The following GABBR2 variants were observed in gnomAD, a reference collection of about 807,000 sequenced individuals.
GABBR2 encodes gamma-aminobutyric acid type B receptor subunit 2.
GABBR2 carries 23 observed loss-of-function variants against 105.6 expected under a neutral mutation model. The observed-to-expected ratio is 0.22, with a 90% CI of 0.16 to 0.31. GABBR2 has a LOEUF of 0.31. GABBR2 is among the 10% of genes least tolerant of loss of function. The pLI is 1.00. For synonymous variants in GABBR2, 478 were observed against 499.7 expected, an observed-to-expected ratio of 0.96 and a Z score of 0.58; for missense variants, 734 against 1,245.5, an observed-to-expected ratio of 0.59 and a Z score of 6.18.
At chr9:98,656,296 A>G (rs1167516759) in intron 1 of GABBR2, among the ~76,000 whole-genome samples, 2 of 152,152 alleles carry the variant, frequency 1.3e-5, no homozygotes, top group Non-Finnish European at 2.9e-5. Flanking sequence ...GCTTGCAGAA[A>G]TGTGTGGATG....
intron 6 of GABBR2, among the ~76,000 whole-genome samples, chr9:98,455,883 G>A (rs753233611): frequency 1.1e-4 from 16 of 152,168 alleles, no homozygotes; most frequent in Non-Finnish European, 1.5e-4. Context: ...AATCCTGGCC[G>A]GGAGTCTGCC....
In GABBR2 at chr9:98,648,116, T is replaced by TGTATAGATAGATAGATAGATAG; in HGVS notation, c.321+60300_321+60301insCTATCTATCTATCTATCTATAC. The stretch of plus-strand genomic sequence containing the variant: ...GTGTGTGTGTGTGTGTGTGTGTGTG[T>TGTATAGATAGATAGATAGATAG]ATAGATAGATAGATAGATAGATAGA... On this transcript the variant is annotated intron_variant, in intron 1 of 18. Transcript: ENST00000259455. Among the ~76,000 whole-genome samples the TGTATAGATAGATAGATAGATAG allele has an allele frequency of 1.0e-3, 56 of 55,936 alleles. 1 individual carries two copies. The highest frequency in any genetic ancestry group is 0.011 in the Middle Eastern group (1 of 88). The allele number at this position is 55,936 out of a possible 152,430, so 36.7% of individuals were successfully genotyped here.
intron 11 of GABBR2, among the ~76,000 whole-genome samples, chr9:98,371,936 C>A (rs929719583): frequency 7.0e-4 from 107 of 152,210 alleles, no homozygotes; most frequent in Admixed American, 4.6e-4. Flanking sequence ...TCCTCCCTTC[C>A]TTCTTCCTGC....
At chr9:98,619,327 A>G (rs1340878194) in intron 1 of GABBR2, among the ~76,000 whole-genome samples, 1 of 152,058 alleles carries the variant, frequency 6.6e-6, no homozygotes, top group Non-Finnish European at 1.5e-5. Flanking sequence ...TTTGAGGGAG[A>G]TTTATAAAAT....
At chr9:98,517,389 G>A (rs1337536611) in intron 3 of GABBR2, among the ~76,000 whole-genome samples, 2 of 152,120 alleles carry the variant, frequency 1.3e-5, no homozygotes, top group South Asian at 2.1e-4. Context: ...CTCTCCTGGC[G>A]AAACTGACCT....
chr9:98,397,583 T>C (rs575122505), intron 8 of GABBR2, among the ~76,000 whole-genome samples: 1 of 152,362 alleles, frequency 6.6e-6, no homozygotes, highest in South Asian at 2.1e-4. Flanking sequence ...TGAAAGTAAC[T>C]GTGGGCTCTA....
At chr9:98,616,751 C>CAAA (rs35879049) in intron 1 of GABBR2, among the ~76,000 whole-genome samples, 33 of 143,676 alleles carry the variant, frequency 2.3e-4, no homozygotes, top group African/African-American at 7.9e-4. Context: ...GACTCCGTCT[C>CAAA]AAAAAAAAAA....
rs935419601 is a variant in GABBR2, at chr9:98,680,391, C to T, written c.321+28026G>A. On this transcript the variant is annotated intron_variant, in intron 1 of 18. Coordinates refer to ENST00000259455, the MANE Select transcript of GABBR2 (RefSeq NM_005458.8). ...CACGATCTCGGCTCACTGCAAGCTCCGCCTCCCAGGTTCACGCCATTTTCC... is the reference window on the plus strand; with the variant it reads ...CACGATCTCGGCTCACTGCAAGCTCTGCCTCCCAGGTTCACGCCATTTTCC... Among the ~76,000 whole-genome samples the T allele has an allele frequency of 8.5e-5, 13 of 152,174 alleles. No individual in the cohort carries two copies. The South Asian group carries it at 1.5e-3, about 17-fold the overall frequency.
chr9:98,575,087 AC>A (rs60542139), intron 2 of GABBR2, among the ~76,000 whole-genome samples: 109,633 of 150,160 alleles, frequency 0.73, 40,107 homozygotes, highest in African/African-American at 0.82. Flanking sequence ...AAACACCACC[AC>A]CCCCCCCCAA....
At chr9:98,492,633 A>C (rs570009250) in intron 4 of GABBR2, among the ~76,000 whole-genome samples, 1 of 152,206 alleles carries the variant, frequency 6.6e-6, no homozygotes, top group African/African-American at 2.4e-5. Context: ...TGCCTCCTTC[A>C]GCTCCTTTTG....
At chr9:98,523,045 A>G (rs1827895611) in intron 3 of GABBR2, among the ~76,000 whole-genome samples, 1 of 152,194 alleles carries the variant, frequency 6.6e-6, no homozygotes, top group Non-Finnish European at 1.5e-5. Flanking sequence ...ATTGTAGCAT[A>G]GTTTTATTAT....
chr9:98,703,950 TATATA>T (rs1830864133), intron 1 of GABBR2, among the ~76,000 whole-genome samples: 1 of 151,736 alleles, frequency 6.6e-6, no homozygotes, highest in Non-Finnish European at 1.5e-5. Flanking sequence ...GAGTGATTTA[TATATA>T]TATATATAAA....
intron 1 of GABBR2, among the ~76,000 whole-genome samples, chr9:98,706,010 A>C (rs1005793488): frequency 1.3e-5 from 2 of 151,400 alleles, no homozygotes; most frequent in African/African-American, 4.9e-5. Context: ...TGGGAGGTGG[A>C]GGTTGCGGTG....
Position 98,327,266 on chromosome 9 carries a change from G to A in GABBR2, c.1894-16061C>T, listed in dbSNP as rs941608367. 8.6e-5 allele frequency among the ~76,000 whole-genome samples: 13 copies of A among 151,968 alleles called. 1 individual carries two copies. The highest frequency in any genetic ancestry group is 5.2e-4 in the Admixed American group (8 of 15,266). ...CATTATGTCTTGCGGGAACTGTTCG[G>A]GGGCTTCCTCAAACCTCTGCCTCCA... On this transcript the variant is annotated intron_variant, in intron 13 of 18. Transcript: ENST00000259455.
In GABBR2 at chr9:98,526,423, C is replaced by T. The variant is rs183228304; in HGVS notation, c.630+15450G>A. Among the ~76,000 whole-genome samples the T allele has an allele frequency of 7.7e-4, 118 of 152,274 alleles. 2 individuals are homozygous for T. In the East Asian group the frequency reaches 0.019, roughly 24 times the overall value. ...TGCCTGGAACCCTCTTCTCTCAGGT[C>T]TCCTTATAACCTGCCCCTCACTGCT... On this transcript the variant is annotated intron_variant, in intron 3 of 18. Transcript: ENST00000259455.
chr9:98,407,495 T>G lies in GABBR2; in HGVS notation c.1237-1354A>C, dbSNP rs545663903. 5.0e-4 allele frequency among the ~76,000 whole-genome samples: 76 copies of G among 152,332 alleles called. 1 individual carries two copies. The highest frequency in any genetic ancestry group is 1.6e-3 in the African/African-American group (65 of 41,580). On this transcript the variant is annotated intron_variant, in intron 7 of 18. Transcript: ENST00000259455. ...GCAACTCCCTGGAGTGTGAAAACACTTCAACCAAGGTGAGACAGGAGCTGT... is the reference window on the plus strand; with the variant it reads ...GCAACTCCCTGGAGTGTGAAAACACGTCAACCAAGGTGAGACAGGAGCTGT...
At chr9:98,458,604 C>G (rs1363293788) in intron 6 of GABBR2, among the ~76,000 whole-genome samples, 2 of 152,156 alleles carry the variant, frequency 1.3e-5, no homozygotes, top group African/African-American at 4.8e-5. Context: ...ACTCAGGAGG[C>G]TGAGACACAA....
At chr9:98,586,284 C>CTTTTTTTTTT (rs569530376) in intron 1 of GABBR2, among the ~76,000 whole-genome samples, 16 of 131,046 alleles carry the variant, frequency 1.2e-4, no homozygotes, top group Non-Finnish European at 1.8e-4. Flanking sequence ...TCTTTTCTTT[C>CTTTTTTTTTT]TTTTTTTTTT....
chr9:98,464,479 C>T (rs1426229517), intron 6 of GABBR2, among the ~76,000 whole-genome samples: 3 of 149,242 alleles, frequency 2.0e-5, no homozygotes, highest in Admixed American at 6.6e-5. Flanking sequence ...TGGCCGCCCC[C>T]ATCTGGGAAG....
Sources: allele counts gnomAD v4.1 joint callset (sites outside exome capture counted in the v4.1 genomes callset), GRCh38; gene constraint gnomAD v4.1.1; transcripts MANE v1.5; gene names NCBI Gene and HGNC (gene_info 2026-07-23, HGNC 2026-07-21).